MMP16: variants seen among roughly 807,000 people sequenced by gnomAD.
The protein encoded by MMP16 is matrix metallopeptidase 16.
In MMP16, 12 loss-of-function variants were observed where a neutral mutation model predicts 67.8. The ratio of observed to expected loss-of-function variants is 0.18; its 90% CI spans 0.11 to 0.29. The LOEUF (loss-of-function observed/expected upper bound fraction) is 0.29. Among genes scored for constraint, MMP16 ranks in the 10% least tolerant of loss-of-function variants. The pLI, the probability that MMP16 is intolerant of heterozygous loss-of-function variation, is 1.00. For synonymous variants in MMP16, 249 were observed against 255.9 expected (o/e 0.97, Z 0.26); for missense variants, 475 against 765.7 (o/e 0.62, Z 4.48).
intron 1 of MMP16, among the ~76,000 whole-genome samples, chr8:88,309,568 A>T (rs1417281388): frequency 1.3e-5 from 2 of 151,984 alleles, no homozygotes; most frequent in African/African-American, 4.8e-5. Flanking sequence ...CTCAAAGAAA[A>T]GGCTCCATGT....
In MMP16 at chr8:88,167,723, C is replaced by T; in HGVS notation, c.655G>A (p.Asp219Asn). 1.9e-6 allele frequency: 3 copies of T among 1,613,940 alleles called. No homozygotes were observed. Among genetic ancestry groups the T allele is most frequent in the Non-Finnish European group, 2.5e-6 (3 of 1,179,926 alleles). Residue 219 changes from aspartate to asparagine, a missense_variant, in exon 4 of 10, where the codon GAT becomes AAT. Asp to Asn is a conservative substitution (Grantham distance 23, BLOSUM62 1). Transcript: ENST00000286614. ...AYFPGPGIGG[D>N]THFDSDEPWT... is the part of the protein sequence containing the mutation. Reference sequence around the variant, plus strand: ...GGCTCATCTGAGTCAAAATGGGTATCTCCTCCAATTCCTGGTCCAGGGAAG... The same window carrying T: ...GGCTCATCTGAGTCAAAATGGGTATTTCCTCCAATTCCTGGTCCAGGGAAG...
intron 7 of MMP16, among the ~76,000 whole-genome samples, chr8:88,062,312 T>C (rs1808409530): frequency 6.6e-6 from 1 of 152,114 alleles, no homozygotes; most frequent in Non-Finnish European, 1.5e-5. Flanking sequence ...ATTGGGCATA[T>C]ACTCAAAGGA....
intron 2 of MMP16, among the ~76,000 whole-genome samples, chr8:88,187,645 A>G (rs1809095832): frequency 6.6e-6 from 1 of 152,200 alleles, no homozygotes; most frequent in Admixed American, 6.5e-5. Context: ...CACATTAAGT[A>G]ATTTGCATGT....
At chr8:88,169,467 C>T (rs758398631) in intron 3 of MMP16, among the ~76,000 whole-genome samples, 1 of 152,056 alleles carries the variant, frequency 6.6e-6, no homozygotes, top group Non-Finnish European at 1.5e-5. Flanking sequence ...AGAGAAAAAC[C>T]TCTAAGTGGC....
intron 7 of MMP16, among the ~76,000 whole-genome samples, chr8:88,064,219 A>C (rs1808435550): frequency 1.3e-5 from 2 of 152,156 alleles, no homozygotes; most frequent in African/African-American, 4.8e-5. Flanking sequence ...AGTTTTTTAC[A>C]GGAAAGATTA....
intron 1 of MMP16, among the ~76,000 whole-genome samples, chr8:88,262,958 G>C (rs975012844): frequency 6.6e-6 from 1 of 151,342 alleles, no homozygotes; most frequent in Non-Finnish European, 1.5e-5. Context: ...CCAGGAGGTG[G>C]AGCTTGCAGT....
intron 9 of MMP16, among the ~76,000 whole-genome samples, chr8:88,044,539 T>G: frequency 6.6e-6 from 1 of 152,218 alleles, no homozygotes; most frequent in East Asian, 1.9e-4. Flanking sequence ...TGACATGTAT[T>G]TTTGTATACA....
intron 7 of MMP16, among the ~76,000 whole-genome samples, chr8:88,062,100 A>G (rs1808406645): frequency 6.6e-6 from 1 of 152,136 alleles, no homozygotes; most frequent in South Asian, 2.1e-4. Context: ...ATTATGAGTG[A>G]TAACATTTAA....
rs34890040 is a variant in MMP16, at chr8:88,207,695, TA to T, written c.133-10390del. ...ATGAATTCAGAGTAAGGACCATTGTTAAAAAAAAAAAAAGAAAGAAAGAAAG... is the reference window on the plus strand; with the variant it reads ...ATGAATTCAGAGTAAGGACCATTGTTAAAAAAAAAAAAGAAAGAAAGAAAG... On this transcript the variant is annotated intron_variant, in intron 1 of 9. Transcript: ENST00000286614. Among the ~76,000 whole-genome samples, 596 of 145,972 alleles carry T rather than the reference TA, an allele frequency of 4.1e-3. 4 individuals are homozygous for T. In the Middle Eastern group the frequency reaches 0.049, roughly 12 times the overall value.
At chr8:88,069,827 A>G (rs540194540) in intron 7 of MMP16, among the ~76,000 whole-genome samples, 14 of 152,250 alleles carry the variant, frequency 9.2e-5, no homozygotes, top group African/African-American at 3.1e-4. Context: ...AAGGCAGGCT[A>G]ATAGGCTTTT....
intron 6 of MMP16, among the ~76,000 whole-genome samples, chr8:88,092,762 T>A (rs1221108796): frequency 6.6e-6 from 1 of 151,916 alleles, no homozygotes; most frequent in Non-Finnish European, 1.5e-5. Context: ...CTTTCCCAAT[T>A]TGATCTTTGC....
intron 1 of MMP16, among the ~76,000 whole-genome samples, chr8:88,294,369 TAC>T (rs1454011152): frequency 6.6e-6 from 1 of 151,114 alleles, no homozygotes; most frequent in African/African-American, 2.4e-5. Flanking sequence ...TATGTAGATA[TAC>T]ACACATCTAT....
chr8:88,153,349 G>A (rs1330392229), intron 4 of MMP16, among the ~76,000 whole-genome samples: 4 of 151,970 alleles, frequency 2.6e-5, no homozygotes, highest in Non-Finnish European at 2.9e-5. Context: ...TTTCTTCACA[G>A]AATTGGAAAA....
chr8:88,319,783 TAAACGGGGCTA>T lies in MMP16; in HGVS notation c.132+7281_132+7291del, dbSNP rs561610581. On this transcript the variant is annotated intron_variant, in intron 1 of 9. Transcript: ENST00000286614. ...AATGGCAGTTTATTCCTCCTTAACT[TAAACGGGGCTA>T]AAACAAATACTATAAGATTCCGTTT... Among the ~76,000 whole-genome samples the T allele has an allele frequency of 1.1e-3, 165 of 152,246 alleles. 1 individual carries two copies. In the Middle Eastern group the frequency reaches 0.014, roughly 13 times the overall value.
At position 88,282,086 on chromosome 8, in the gene MMP16, G is replaced by T. The variant is rs974760496; in HGVS notation, c.132+44989C>A. Among the ~76,000 whole-genome samples the T allele has an allele frequency of 2.5e-3, 376 of 148,488 alleles. 7 individuals carry two copies. The highest frequency in any genetic ancestry group is 9.0e-3 in the African/African-American group (353 of 39,330). On this transcript the variant is annotated intron_variant, in intron 1 of 9. Coordinates refer to ENST00000286614, the MANE Select transcript of MMP16 (RefSeq NM_005941.5). ...TCCAGATTTTTTTTTCTTTTTTGGGGGGGGGGGGGCGACGGGGTCTTGCTG... is the reference window on the plus strand; with the variant it reads ...TCCAGATTTTTTTTTCTTTTTTGGGTGGGGGGGGGCGACGGGGTCTTGCTG...
intron 4 of MMP16, among the ~76,000 whole-genome samples, chr8:88,121,884 A>C (rs1448652247): frequency 1.3e-5 from 2 of 152,020 alleles, no homozygotes; most frequent in African/African-American, 4.8e-5. Context: ...GCATTTTCAG[A>C]TACTGTCTTC....
At chr8:88,096,576 A>G (rs1257897229) in intron 6 of MMP16, among the ~76,000 whole-genome samples, 1 of 151,860 alleles carries the variant, frequency 6.6e-6, no homozygotes, top group East Asian at 2.0e-4. Flanking sequence ...TTTGAAAACA[A>G]GAAATTTAGG....
At chr8:88,052,629 G>A (rs1010747219) in intron 8 of MMP16, among the ~76,000 whole-genome samples, 3 of 152,160 alleles carry the variant, frequency 2.0e-5, no homozygotes, top group Non-Finnish European at 4.4e-5. Flanking sequence ...TTTGCCATGG[G>A]CTACAGGGCC....
chr8:88,326,008 G>C (rs914201360), intron 1 of MMP16, among the ~76,000 whole-genome samples: 2 of 151,898 alleles, frequency 1.3e-5, no homozygotes, highest in African/African-American at 4.8e-5. Flanking sequence ...CACACTCCCA[G>C]CAAAATGACA....
Sources: allele counts gnomAD v4.1 joint callset (sites outside exome capture counted in the v4.1 genomes callset), GRCh38; gene constraint gnomAD v4.1.1; transcripts MANE v1.5; gene names NCBI Gene and HGNC (gene_info 2026-07-23, HGNC 2026-07-21).